NEK6: variants seen among roughly 807,000 people sequenced by gnomAD.
NEK6 encodes serine/threonine-protein kinase Nek6.
In NEK6, 27 loss-of-function variants were observed where a neutral mutation model predicts 43.5. That is an observed-to-expected ratio of 0.62 (90% CI 0.46 to 0.86). The LOEUF is 0.86. Ranked by LOEUF, NEK6 falls within the 40% of genes least tolerant of loss-of-function variation. The pLI is 0.00. For missense variants in NEK6, 318 were observed against 414.4 expected (o/e 0.77, Z 2.02); for synonymous variants, 167 against 164.1 (o/e 1.02, Z -0.14).
At chr9:124,340,627 CCTGA>C (rs910753111) in intron 8 of NEK6, among the ~76,000 whole-genome samples, 2 of 152,216 alleles carry the variant, frequency 1.3e-5, no homozygotes. Flanking sequence ...CAGTTGGAAC[CCTGA>C]CTGTTTTTCT....
intron 1 of NEK6, among the ~76,000 whole-genome samples, chr9:124,288,984 G>A (rs1283469978): frequency 1.3e-5 from 2 of 152,022 alleles, no homozygotes; most frequent in East Asian, 1.9e-4. Flanking sequence ...TTGGTGTTTC[G>A]TTTTTTGTTT....
At chr9:124,313,802 TCA>T (rs1310837379) in intron 3 of NEK6, 119 bp from the exon 4 acceptor site, 12 of 907,328 alleles carry the variant, frequency 1.3e-5, no homozygotes, top group Non-Finnish European at 2.1e-5. Flanking sequence ...CAGGGGGGGG[TCA>T]CAGAGTCCCT....
In NEK6 at chr9:124,326,883, T is replaced by C. The variant is rs976923795; in HGVS notation, c.514+445T>C. On this transcript the variant is annotated intron_variant, in intron 6 of 9. Coordinates refer to ENST00000320246, the MANE Select transcript of NEK6 (RefSeq NM_014397.6). The surrounding 1 kb of genome is among the most constrained non-coding windows in gnomAD (Gnocchi z 4.5). ...GAGGTCCTTTACGTAGGCTGCTTCA[T>C]GGACACCTCCGTTCCTTCACTCTAC... 6.6e-6 allele frequency among the ~76,000 whole-genome samples: 1 copy of C among 152,154 alleles called. No individual in the cohort carries two copies. Among genetic ancestry groups the C allele is most frequent in the African/African-American group, 2.4e-5 (1 of 41,434 alleles).
Position 124,326,961 on chromosome 9 carries a change from C to G in NEK6, c.515-377C>G, listed in dbSNP as rs755160829. 6.6e-6 allele frequency among the ~76,000 whole-genome samples: 1 copy of G among 152,108 alleles called. No homozygotes were observed. The highest frequency in any genetic ancestry group is 1.5e-5 in the Non-Finnish European group (1 of 68,014). On this transcript the variant is annotated intron_variant, in intron 6 of 9. Transcript: ENST00000320246. This position sits in a 1 kb window ranked among gnomAD's most constrained non-coding sequence, Gnocchi z 4.5. The stretch of plus-strand genomic sequence containing the variant: ...GAGGCCCCGCCCTCACTGGGGGGTA[C>G]GGCACTGGGTGCTCCACTGAGCACT...
At chr9:124,293,673 G>C (rs930628118) in intron 1 of NEK6, among the ~76,000 whole-genome samples, 1 of 152,186 alleles carries the variant, frequency 6.6e-6, no homozygotes, top group Non-Finnish European at 1.5e-5. Context: ...AGGTTTCTTG[G>C]GGTTGCAGGA....
chr9:124,342,602 G>A (rs1055611398), intron 8 of NEK6, among the ~76,000 whole-genome samples: 3 of 152,234 alleles, frequency 2.0e-5, no homozygotes, highest in South Asian at 2.1e-4. Context: ...GCCCGCCTCC[G>A]GCACGAGGCT....
chr9:124,327,768 G>A (rs1042268869), intron 7 of NEK6, among the ~76,000 whole-genome samples: 2 of 152,196 alleles, frequency 1.3e-5, no homozygotes, highest in Non-Finnish European at 2.9e-5. Flanking sequence ...TCCCGTTCAC[G>A]GGCAGCACCC....
chr9:124,279,447 A>G (rs60911790), intron 1 of NEK6, among the ~76,000 whole-genome samples: 21,765 of 152,012 alleles, frequency 0.14, 1,619 homozygotes, highest in Non-Finnish European at 0.16. Flanking sequence ...GACTGCAGGC[A>G]CACACCACAA....
chr9:124,331,545 G>A (rs1461009539), intron 7 of NEK6, among the ~76,000 whole-genome samples: 1 of 152,182 alleles, frequency 6.6e-6, no homozygotes, highest in Non-Finnish European at 1.5e-5. Flanking sequence ...CCTCAGGTGC[G>A]AGGAACACCT....
At chr9:124,271,936 C>T (rs1831454588) in intron 1 of NEK6, among the ~76,000 whole-genome samples, 1 of 152,262 alleles carries the variant, frequency 6.6e-6, no homozygotes, top group African/African-American at 2.4e-5. Flanking sequence ...GAGTTAGGCA[C>T]ACCTGGCCGT....
chr9:124,280,039 G>A (rs923033877), intron 1 of NEK6, among the ~76,000 whole-genome samples: 1 of 152,262 alleles, frequency 6.6e-6, no homozygotes, highest in Non-Finnish European at 1.5e-5. Context: ...GCCCATCCCT[G>A]GGTCACACTG....
At chr9:124,341,729 G>A (rs1005361664) in intron 8 of NEK6, among the ~76,000 whole-genome samples, 7 of 152,088 alleles carry the variant, frequency 4.6e-5, no homozygotes, top group Admixed American at 4.6e-4. Flanking sequence ...TGTTGAGCAG[G>A]GTGTGTGGGT....
At chr9:124,286,215 A>G (rs924876129) in intron 1 of NEK6, among the ~76,000 whole-genome samples, 3 of 152,192 alleles carry the variant, frequency 2.0e-5, no homozygotes, top group African/African-American at 7.2e-5. Context: ...TTGCAATTCT[A>G]TTCAGCTGTT....
At chr9:124,288,990 T>C (rs2119033782) in intron 1 of NEK6, among the ~76,000 whole-genome samples, 1 of 152,278 alleles carries the variant, frequency 6.6e-6, no homozygotes, top group Non-Finnish European at 1.5e-5. Flanking sequence ...TTTCGTTTTT[T>C]GTTTTTTTAG....
intron 7 of NEK6, 24 bp from the exon 8 acceptor site, chr9:124,339,547 G>T (rs1322269982): frequency 6.4e-7 from 1 of 1,571,686 alleles, no homozygotes; most frequent in Non-Finnish European, 8.8e-7. Context: ...AGCATAAGCA[G>T]CCCCGCCCCT....
chr9:124,264,077 G>A (rs548618911), intron 1 of NEK6, among the ~76,000 whole-genome samples: 1 of 152,354 alleles, frequency 6.6e-6, no homozygotes, highest in East Asian at 1.9e-4. Context: ...GTCTTCCCCT[G>A]GCAGTCCTCC....
chr9:124,310,391 A>G (rs1036476636), intron 2 of NEK6, among the ~76,000 whole-genome samples: 3 of 152,214 alleles, frequency 2.0e-5, no homozygotes, highest in Non-Finnish European at 4.4e-5. Context: ...ACATTGGCAC[A>G]TGGTGGATAA....
chr9:124,324,281 C>G lies in NEK6; in HGVS notation c.406-2049C>G, dbSNP rs1156291732. On this transcript the variant is annotated intron_variant, in intron 5 of 9. Coordinates refer to ENST00000320246, the MANE Select transcript of NEK6 (RefSeq NM_014397.6). The surrounding 1 kb of genome is among the most constrained non-coding windows in gnomAD (Gnocchi z 5.3). ...TCCCCTGGTTCTGCCTGCTCTCAGG[C>G]CACCTCTGGGTTTCCAGAGGAACAG... Among the ~76,000 whole-genome samples the G allele has an allele frequency of 6.6e-6, 1 of 152,214 alleles. No individual in the cohort carries two copies. Among genetic ancestry groups the G allele is most frequent in the African/African-American group, 2.4e-5 (1 of 41,464 alleles).
At chr9:124,346,522 G>A (rs1033842182) in intron 8 of NEK6, among the ~76,000 whole-genome samples, 1 of 152,160 alleles carries the variant, frequency 6.6e-6, no homozygotes, top group Non-Finnish European at 1.5e-5. Flanking sequence ...GGGGGGAACC[G>A]GGGCCAGACA....
Sources: gnomAD v4.1 joint callset for allele counts (sites outside exome capture counted in the v4.1 genomes callset) on GRCh38, gnomAD v4.1.1 for gene constraint, Gnocchi (gnomAD v3.1) non-coding constraint, MANE v1.5 for transcripts, NCBI Gene and HGNC (gene_info 2026-07-23, HGNC 2026-07-21) for gene names.